STXBP6: variants seen among roughly 807,000 people sequenced by gnomAD.
The protein encoded by STXBP6 is syntaxin-binding protein 6.
STXBP6 carries 21 observed loss-of-function variants against 26.9 expected under a neutral mutation model. That is an observed-to-expected ratio of 0.78 (90% confidence interval 0.55 to 1.12). The LOEUF (loss-of-function observed/expected upper bound fraction) is 1.12, where lower values mean the gene tolerates loss of function less well. Ranked by LOEUF, STXBP6 falls within the 50% of genes most tolerant of loss-of-function variation. The probability of loss-of-function intolerance (pLI) is 0.00; values close to 1 mark genes in which losing one functional copy is unlikely to be tolerated. For synonymous variants in STXBP6, 97 were observed against 92.6 expected, an observed-to-expected ratio of 1.05 and a Z score of -0.27; for missense variants, 232 against 257.9, an observed-to-expected ratio of 0.90 and a Z score of 0.69.
At chr14:24,989,863 G>A (rs1171210053) in intron 1 of STXBP6, among the ~76,000 whole-genome samples, 1 of 152,180 alleles carries the variant, frequency 6.6e-6, no homozygotes, top group Non-Finnish European at 1.5e-5. Flanking sequence ...TCTTACATGA[G>A]TATTAAGATA....
At chr14:24,920,480 G>C (rs561161924) in intron 2 of STXBP6, among the ~76,000 whole-genome samples, 1 of 152,142 alleles carries the variant, frequency 6.6e-6, no homozygotes, top group Admixed American at 6.5e-5. Flanking sequence ...ATACTTCCTT[G>C]CTGGCGATAG....
chr14:24,894,961 T>C (rs1787174407), intron 2 of STXBP6, among the ~76,000 whole-genome samples: 1 of 152,216 alleles, frequency 6.6e-6, no homozygotes, highest in Non-Finnish European at 1.5e-5. Context: ...GGTTTTATGA[T>C]ATTTGCCTTG....
At chr14:24,957,728 A>G (rs953105644) in intron 2 of STXBP6, among the ~76,000 whole-genome samples, 9 of 152,204 alleles carry the variant, frequency 5.9e-5, no homozygotes, top group African/African-American at 2.2e-4. Flanking sequence ...TCAGCATTTT[A>G]CATAAATGGA....
rs1035480107 is a variant in STXBP6, at chr14:24,811,268, T to A, written c.*1441A>T. ...TAAATCAGTATTAACAATCCAAAAGTCATCTTATGCTCCTATGTAAGAGGC... is the reference window on the plus strand; with the variant it reads ...TAAATCAGTATTAACAATCCAAAAGACATCTTATGCTCCTATGTAAGAGGC... On this transcript the variant is annotated 3_prime_UTR_variant, in exon 6 of 6. Coordinates refer to ENST00000323944, the MANE Select transcript of STXBP6 (RefSeq NM_001394410.1). 1 of 152,126 alleles carries A rather than the reference T, an allele frequency of 6.6e-6. No homozygotes were observed. The allele number at this position is 152,126 out of a possible 1,614,324, so 9.4% of individuals were successfully genotyped here. A position where few individuals can be genotyped will look rare whatever the true frequency, so the allele number is the denominator to read the frequency against.
intron 1 of STXBP6, among the ~76,000 whole-genome samples, chr14:25,005,878 T>C (rs1286858339): frequency 6.6e-6 from 1 of 152,062 alleles, no homozygotes. Context: ...GGAAAGATTT[T>C]GGACAATCGC....
chr14:24,906,811 A>T lies in STXBP6; in HGVS notation c.155-49654T>A, dbSNP rs568084721. Among the ~76,000 whole-genome samples, 3 of 152,328 alleles carry T rather than the reference A, an allele frequency of 2.0e-5. No homozygotes were observed. In the East Asian group the frequency reaches 5.8e-4, roughly 29 times the overall value. On this transcript the variant is annotated intron_variant, in intron 2 of 5. Coordinates refer to ENST00000323944, the MANE Select transcript of STXBP6 (RefSeq NM_001394410.1). ...AGGAAAATATCAGGTCAAGGAGATG[A>T]GTTGTCTACTTCACTATGCCCTCTA...
intron 2 of STXBP6, among the ~76,000 whole-genome samples, chr14:24,954,613 C>T (rs191665990): frequency 6.6e-6 from 1 of 152,300 alleles, no homozygotes; most frequent in East Asian, 1.9e-4. Flanking sequence ...AGATGTGGAA[C>T]AAGCATGTGC....
intron 1 of STXBP6, among the ~76,000 whole-genome samples, chr14:25,024,875 C>T (rs868733701): frequency 6.6e-6 from 1 of 152,072 alleles, no homozygotes; most frequent in African/African-American, 2.4e-5. Context: ...TTATTATAGG[C>T]CTTTGGTCAA....
At position 24,811,954 on chromosome 14, in the gene STXBP6, G is replaced by A. The variant is rs1292239632; in HGVS notation, c.*755C>T. ...TCTGTGAGTACACAGAGGGTTTTAG[G>A]TAGGCTTTTCTTTAGGGCTTTACTC... On this transcript the variant is annotated 3_prime_UTR_variant, in exon 6 of 6. Transcript: ENST00000323944. 2.6e-5 allele frequency: 4 copies of A among 152,086 alleles called. No homozygotes were observed. The highest frequency in any genetic ancestry group is 4.8e-5 in the African/African-American group (2 of 41,424). 9.4% of individuals were successfully genotyped at this position (152,086 alleles called of 1,614,324 possible).
chr14:24,958,999 A>G (rs936160835), intron 2 of STXBP6, among the ~76,000 whole-genome samples: 4 of 152,176 alleles, frequency 2.6e-5, no homozygotes, highest in Admixed American at 2.6e-4. Context: ...TGTTTGTCAT[A>G]ATGCGTCTAT....
chr14:24,889,918 A>G (rs549838426), intron 2 of STXBP6, among the ~76,000 whole-genome samples: 15 of 152,366 alleles, frequency 9.8e-5, no homozygotes, highest in Non-Finnish European at 1.9e-4. Flanking sequence ...ACAACTCCCC[A>G]ACTGTACCAG....
chr14:25,036,878 A>C (rs1439145420), intron 1 of STXBP6, among the ~76,000 whole-genome samples: 1 of 151,622 alleles, frequency 6.6e-6, no homozygotes, highest in African/African-American at 2.4e-5. Context: ...AAAAAAAAGA[A>C]ATCAGCTATA....
rs547206367 is a variant in STXBP6, at chr14:24,819,817, T to C, written c.452-623A>G. 1.1e-4 allele frequency among the ~76,000 whole-genome samples: 16 copies of C among 152,310 alleles called. No individual in the cohort carries two copies. The South Asian group carries it at 3.3e-3, about 32-fold the overall frequency. On this transcript the variant is annotated intron_variant, in intron 4 of 5. Transcript: ENST00000323944. ...TGTCTGCTCCCAACCTTGGATTCTG[T>C]ACCATGGCTCGGATGGTTGGGACTC...
At chr14:24,991,901 T>G (rs2074484545) in intron 1 of STXBP6, among the ~76,000 whole-genome samples, 1 of 152,204 alleles carries the variant, frequency 6.6e-6, no homozygotes, top group South Asian at 2.1e-4. Flanking sequence ...CCAGCTTGCA[T>G]GTGGCAATAT....
intron 1 of STXBP6, among the ~76,000 whole-genome samples, chr14:25,034,802 A>C (rs1318377227): frequency 6.6e-6 from 1 of 152,242 alleles, no homozygotes; most frequent in Non-Finnish European, 1.5e-5. Flanking sequence ...AGCCTCAGAT[A>C]TTCACTGAAG....
chr14:24,896,202 C>T (rs1032018836), intron 2 of STXBP6, among the ~76,000 whole-genome samples: 7 of 152,056 alleles, frequency 4.6e-5, no homozygotes, highest in African/African-American at 1.4e-4. Flanking sequence ...GTGTGTTCAC[C>T]TGCCAGCCTG....
intron 4 of STXBP6, among the ~76,000 whole-genome samples, chr14:24,854,022 T>C (rs2069243658): frequency 6.6e-6 from 1 of 152,124 alleles, no homozygotes; most frequent in Non-Finnish European, 1.5e-5. Context: ...CTATGTCCAA[T>C]ACGTAGCACA....
At chr14:24,921,310 A>T (rs1315845240) in intron 2 of STXBP6, among the ~76,000 whole-genome samples, 2 of 152,124 alleles carry the variant, frequency 1.3e-5, no homozygotes, top group African/African-American at 2.4e-5. Context: ...CCCAGCTTCA[A>T]CCAGGCATCT....
rs1017030910 is a variant in STXBP6 at position 24,809,658 on chromosome 14, A to T, written c.*3051T>A. ...TAAATAACTGCAAGAAACAAATTTC[A>T]TCACAGAGTTAAAATATTTAATGAC... On this transcript the variant is annotated 3_prime_UTR_variant, in exon 6 of 6. Coordinates refer to ENST00000323944, the MANE Select transcript of STXBP6 (RefSeq NM_001394410.1). 1.3e-5 allele frequency: 2 copies of T among 152,236 alleles called. No individual in the cohort carries two copies. The highest frequency in any genetic ancestry group is 4.8e-5 in the African/African-American group (2 of 41,464). The allele number at this position is 152,236 out of a possible 1,614,324, so 9.4% of individuals were successfully genotyped here. A position where few individuals can be genotyped will look rare whatever the true frequency, so the allele number is the denominator to read the frequency against.
Sources: gnomAD v4.1 joint callset for allele counts (sites outside exome capture counted in the v4.1 genomes callset) on GRCh38, gnomAD v4.1.1 for gene constraint, MANE v1.5 for transcripts, NCBI Gene and HGNC (gene_info 2026-07-23, HGNC 2026-07-21) for gene names.